The following PCDHA5 variants were observed in gnomAD, a reference collection of about 807,000 sequenced individuals.
PCDHA5 encodes protocadherin alpha 5, also known as protocadherin alpha-5.
A neutral mutation model predicts 61.6 loss-of-function variants in PCDHA5; 43 were observed. The ratio of observed to expected loss-of-function variants is 0.70; its 90% CI spans 0.55 to 0.90. The LOEUF is 0.90. Among genes scored for constraint, PCDHA5 ranks in the 40% least tolerant of loss-of-function variants. The pLI is 0.00. For missense variants in PCDHA5, 1,298 were observed against 1,222.7 expected (o/e 1.06, Z -0.92); for synonymous variants, 627 against 543.9 (o/e 1.15, Z -2.13).
In PCDHA5 at chr5:140,987,224, A is replaced by AAT. The variant is rs1554248891; in HGVS notation, c.2500+4662_2500+4663insTA. Among the ~76,000 whole-genome samples, 91 of 152,046 alleles carry AAT rather than the reference A, an allele frequency of 6.0e-4. 1 individual carries two copies. Among genetic ancestry groups the AAT allele is most frequent in the African/African-American group, 2.0e-3 (84 of 41,424 alleles). ...GTGAGACTCCATCTCAAAAAAAAAA[A>AAT]AAATAATAAATAAAGAAAGAAAGAC... On this transcript the variant is annotated intron_variant, in intron 3 of 3. Coordinates refer to ENST00000529859, the MANE Select transcript of PCDHA5 (RefSeq NM_018908.3).
In PCDHA5 at chr5:140,823,962, C is replaced by T. The variant is rs781985847; in HGVS notation, c.2187C>T (p.Ala729=). The T allele has an allele frequency of 6.8e-6, 11 of 1,614,026 alleles. No homozygotes were observed. Among genetic ancestry groups the T allele is most frequent in the Non-Finnish European group, 9.3e-6 (11 of 1,179,994 alleles). ...GGTGCTCGGCGCAGCCCACCGAGGC[C>T]GTGTGCACACGGGGCAAGCCCACTC... ...ALRCSAQPTE[A]VCTRGKPTLL... The change falls in exon 1 of 4, where the codon GCC becomes GCT. Residue 729 remains alanine (A), a synonymous_variant. Transcript: ENST00000529859.
chr5:140,914,944 CTTT>C (rs35695909), intron 1 of PCDHA5, among the ~76,000 whole-genome samples: 73 of 128,234 alleles, frequency 5.7e-4, no homozygotes, highest in African/African-American at 1.8e-3. Flanking sequence ...GAAAAGTTGT[CTTT>C]TTTTTTTTTT....
At chr5:140,843,030 T>C in intron 1 of PCDHA5, 1 of 1,594,962 alleles carries the variant, frequency 6.3e-7, no homozygotes, top group African/African-American at 1.3e-5. Flanking sequence ...GAGCCTCGGG[T>C]GGGTGGCACT....
In PCDHA5 at chr5:140,823,677, C is replaced by G; in HGVS notation, c.1902C>G (p.Arg634=). 1 of 1,614,048 alleles carries G rather than the reference C, an allele frequency of 6.2e-7. No individual in the cohort carries two copies. Among genetic ancestry groups the G allele is most frequent in the Non-Finnish European group, 8.5e-7 (1 of 1,179,958 alleles). ...ACACAGGCGAGATCAGCACAACACG[C>G]TCTCTGGATGAGACCGAAGCACCGC... ...GLYTGEISTT[R]SLDETEAPRH... Residue 634 remains arginine (R), a synonymous_variant, in exon 1 of 4, where the codon CGC becomes CGG. Coordinates refer to ENST00000529859, the MANE Select transcript of PCDHA5 (RefSeq NM_018908.3).
At chr5:140,884,204 C>T in intron 1 of PCDHA5, 1 of 1,613,500 alleles carries the variant, frequency 6.2e-7, no homozygotes, top group Non-Finnish European at 8.5e-7. Flanking sequence ...GCCGCACCAC[C>T]GCCTTCTGGT....
chr5:140,888,597 C>A (rs1474772423), intron 1 of PCDHA5, among the ~76,000 whole-genome samples: 3 of 152,216 alleles, frequency 2.0e-5, no homozygotes, highest in African/African-American at 7.2e-5. Flanking sequence ...ACATTCAGAG[C>A]AGCTTTTAGT....
chr5:140,862,831 G>A (rs782083560), intron 1 of PCDHA5: 2 of 572,766 alleles, frequency 3.5e-6, no homozygotes, highest in Admixed American at 1.9e-5. Context: ...AGCGCGCGAC[G>A]CGGGCATGCC....
At chr5:140,836,046 G>A (rs2150251403) in intron 1 of PCDHA5, 3 of 1,613,572 alleles carry the variant, frequency 1.9e-6, no homozygotes, top group Admixed American at 1.7e-5. Context: ...GCAGGTGTTC[G>A]TGCTGGACGA....
intron 3 of PCDHA5, among the ~76,000 whole-genome samples, chr5:141,006,898 C>A (rs2098293427): frequency 6.6e-6 from 1 of 152,152 alleles, no homozygotes; most frequent in East Asian, 1.9e-4. Context: ...TTTCAGATTT[C>A]TTCAGTTTGG....
At chr5:141,007,712 A>G (rs2098342161) in intron 3 of PCDHA5, among the ~76,000 whole-genome samples, 1 of 152,170 alleles carries the variant, frequency 6.6e-6, no homozygotes, top group Non-Finnish European at 1.5e-5. Context: ...GCCTCCCACC[A>G]CCAGGGAGAA....
intron 1 of PCDHA5, among the ~76,000 whole-genome samples, chr5:140,899,684 G>T (rs1554188704): frequency 6.6e-6 from 1 of 152,154 alleles, no homozygotes; most frequent in African/African-American, 2.4e-5. Context: ...TCAGGATGAT[G>T]CTGGCCTCAT....
At chr5:140,968,494 C>T in intron 1 of PCDHA5, 1 of 1,614,096 alleles carries the variant, frequency 6.2e-7, no homozygotes, top group Non-Finnish European at 8.5e-7. Flanking sequence ...ATGACCATGC[C>T]CCTCACATTC....
chr5:140,851,370 T>C, intron 1 of PCDHA5: 2 of 979,252 alleles, frequency 2.0e-6, no homozygotes, highest in South Asian at 4.7e-5. Flanking sequence ...AACATCTGAT[T>C]GTTCAGCAAC....
intron 1 of PCDHA5, chr5:140,858,744 A>G: frequency 2.2e-6 from 1 of 461,862 alleles, no homozygotes; most frequent in South Asian, 3.0e-5. Flanking sequence ...TTTCATAATC[A>G]CTTTTCGTTA....
At chr5:140,856,750 C>T (rs1554149043) in intron 1 of PCDHA5, 2 of 1,596,152 alleles carry the variant, frequency 1.3e-6, no homozygotes, top group Non-Finnish European at 1.7e-6. Flanking sequence ...TGTTAGATGC[C>T]AATGATAACG....
intron 3 of PCDHA5, among the ~76,000 whole-genome samples, chr5:140,996,730 A>G (rs1271920339): frequency 2.6e-5 from 4 of 152,228 alleles, no homozygotes; most frequent in African/African-American, 9.6e-5. Context: ...AGAAGAAACA[A>G]AAGTCATAAC....
chr5:140,868,272 A>C (rs1050467999), intron 1 of PCDHA5: 1 of 152,090 alleles, frequency 6.6e-6, no homozygotes, highest in Non-Finnish European at 1.5e-5. Context: ...CTTTTTTAAA[A>C]CTACCAAGTT....
chr5:140,969,907 G>A (rs2096367708), intron 1 of PCDHA5, among the ~76,000 whole-genome samples: 1 of 152,204 alleles, frequency 6.6e-6, no homozygotes, highest in Non-Finnish European at 1.5e-5. Context: ...CATGTCACAA[G>A]TGATAAAGCT....
At chr5:140,849,341 C>T (rs2150435526) in intron 1 of PCDHA5, 27 of 1,407,914 alleles carry the variant, frequency 1.9e-5, no homozygotes, top group Middle Eastern at 2.4e-4. Flanking sequence ...ACTCCTTCTC[C>T]AGTGATGTTT....
Sources: gnomAD v4.1 joint callset for allele counts (sites outside exome capture counted in the v4.1 genomes callset) on GRCh38, gnomAD v4.1.1 for gene constraint, MANE v1.5 for transcripts, NCBI Gene and HGNC (gene_info 2026-07-23, HGNC 2026-07-21) for gene names.